Variants in NEGR1 observed in about 807,000 individuals in gnomAD.
The protein encoded by NEGR1 is neuronal growth regulator 1.
NEGR1 carries 10 observed loss-of-function variants against 40.9 expected under a neutral mutation model. The ratio of observed to expected loss-of-function variants is 0.24; its 90% CI spans 0.15 to 0.42. NEGR1 has a LOEUF of 0.42. Ranked by LOEUF, NEGR1 falls within the 10% of genes least tolerant of loss-of-function variation. The probability of loss-of-function intolerance (pLI) is 1.00; values close to 1 mark genes in which losing one functional copy is unlikely to be tolerated. For missense variants in NEGR1, 352 were observed against 438.9 expected (o/e 0.80, Z 1.77); for synonymous variants, 185 against 166.8 (o/e 1.11, Z -0.84).
intron 5 of NEGR1, among the ~76,000 whole-genome samples, chr1:71,602,416 T>G (rs2101533425): frequency 7.4e-6 from 1 of 135,256 alleles, no homozygotes; most frequent in South Asian, 2.6e-4. Context: ...TACGCCCGGC[T>G]AATTTTTTGT....
chr1:71,639,522 G>A (rs1031024375), intron 4 of NEGR1, among the ~76,000 whole-genome samples: 3 of 152,054 alleles, frequency 2.0e-5, no homozygotes, highest in Non-Finnish European at 2.9e-5. Context: ...TTGAAGTATA[G>A]TGGAAGAATA....
intron 3 of NEGR1, among the ~76,000 whole-genome samples, chr1:71,699,573 C>A (rs1653611442): frequency 6.6e-6 from 1 of 151,712 alleles, no homozygotes; most frequent in Non-Finnish European, 1.5e-5. Flanking sequence ...AAACACTTCA[C>A]TTCCAAGAAT....
At chr1:71,885,161 A>T (rs189984054) in intron 2 of NEGR1, among the ~76,000 whole-genome samples, 1 of 152,308 alleles carries the variant, frequency 6.6e-6, no homozygotes, top group African/African-American at 2.4e-5. Context: ...TCATCCAACA[A>T]ACAGCCCTCA....
chr1:71,434,372 C>T (rs1646492403), intron 6 of NEGR1, among the ~76,000 whole-genome samples: 1 of 152,176 alleles, frequency 6.6e-6, no homozygotes, highest in Non-Finnish European at 1.5e-5. Flanking sequence ...ATGATAACTA[C>T]ATAAAATTAA....
chr1:71,536,705 G>A (rs1647526096), intron 6 of NEGR1, among the ~76,000 whole-genome samples: 1 of 151,678 alleles, frequency 6.6e-6, no homozygotes, highest in Admixed American at 6.6e-5. Flanking sequence ...AAAGTTTAGA[G>A]TATAAATTTA....
At chr1:72,207,189 T>C (rs1016723658) in intron 1 of NEGR1, among the ~76,000 whole-genome samples, 2 of 151,748 alleles carry the variant, frequency 1.3e-5, no homozygotes, top group Admixed American at 1.3e-4. Flanking sequence ...AATATATATG[T>C]ACCTCAAACA....
chr1:71,723,435 A>C (rs1393966425), intron 3 of NEGR1, among the ~76,000 whole-genome samples: 1 of 152,068 alleles, frequency 6.6e-6, no homozygotes, highest in Non-Finnish European at 1.5e-5. Context: ...CAGTCTTTGG[A>C]AAAGGGCAAG....
chr1:72,057,209 T>C lies in NEGR1; in HGVS notation c.177-121898A>G, dbSNP rs905091641. ...AAAATAATTAATTACACAAATTACT[T>C]ACAACAGTCCAAACTTGAGGAAGGA... On this transcript the variant is annotated intron_variant, in intron 1 of 6. Transcript: ENST00000357731. 2.3e-4 allele frequency among the ~76,000 whole-genome samples: 35 copies of C among 151,760 alleles called. 1 individual carries two copies. The highest frequency in any genetic ancestry group is 3.0e-5 in the Non-Finnish European group (2 of 67,710).
chr1:71,471,254 A>AC (rs1646780283), intron 6 of NEGR1, among the ~76,000 whole-genome samples: 1 of 152,136 alleles, frequency 6.6e-6, no homozygotes, highest in Non-Finnish European at 1.5e-5. Flanking sequence ...ATGTCCTAAG[A>AC]CTTTTTGAAC....
chr1:71,822,825 G>A (rs1658479399), intron 2 of NEGR1, among the ~76,000 whole-genome samples: 4 of 151,978 alleles, frequency 2.6e-5, no homozygotes, highest in Non-Finnish European at 5.9e-5. Context: ...AGCCAAAGAG[G>A]TACATGAATG....
At chr1:71,989,746 T>C (rs1646433470) in intron 1 of NEGR1, among the ~76,000 whole-genome samples, 1 of 152,206 alleles carries the variant, frequency 6.6e-6, no homozygotes, top group Non-Finnish European at 1.5e-5. Context: ...AAAAACTTCT[T>C]TTTTAAATAA....
At chr1:71,634,814 A>G (rs1407361716) in intron 4 of NEGR1, among the ~76,000 whole-genome samples, 1 of 152,128 alleles carries the variant, frequency 6.6e-6, no homozygotes, top group African/African-American at 2.4e-5. Flanking sequence ...GAAGGGTCTT[A>G]GATATTATTA....
chr1:71,994,550 A>AC (rs1429909057), intron 1 of NEGR1, among the ~76,000 whole-genome samples: 134 of 117,952 alleles, frequency 1.1e-3, no homozygotes, highest in African/African-American at 3.4e-3. Flanking sequence ...AAACAAACAA[A>AC]AAAAAAAAAC....
chr1:71,677,016 G>C (rs773235387), intron 4 of NEGR1, among the ~76,000 whole-genome samples: 1 of 152,160 alleles, frequency 6.6e-6, no homozygotes, highest in African/African-American at 2.4e-5. Context: ...GACCAACTAT[G>C]TGTGAGTTAC....
At chr1:71,412,297 T>C (rs1283268375) in intron 6 of NEGR1, among the ~76,000 whole-genome samples, 1 of 152,174 alleles carries the variant, frequency 6.6e-6, no homozygotes, top group Non-Finnish European at 1.5e-5. Flanking sequence ...CTTCTTCCTA[T>C]TCCCCTTTGC....
chr1:72,175,589 T>C (rs1258666373), intron 1 of NEGR1, among the ~76,000 whole-genome samples: 2 of 152,096 alleles, frequency 1.3e-5, no homozygotes, highest in Non-Finnish European at 2.9e-5. Context: ...AGGAAACAGT[T>C]CCATTAGTCA....
intron 2 of NEGR1, among the ~76,000 whole-genome samples, chr1:71,929,017 T>A (rs1557439903): frequency 1.3e-5 from 2 of 152,096 alleles, no homozygotes; most frequent in Admixed American, 6.6e-5. Flanking sequence ...CCATGTAACA[T>A]TTATCTTAAA....
In NEGR1 at chr1:72,087,772, T is replaced by C. The variant is rs865867724; in HGVS notation, c.177-152461A>G. Among the ~76,000 whole-genome samples, 73 of 148,242 alleles carry C rather than the reference T, an allele frequency of 4.9e-4. No individual in the cohort carries two copies. In the East Asian group the frequency reaches 0.011, roughly 22 times the overall value. On this transcript the variant is annotated intron_variant, in intron 1 of 6. Coordinates refer to ENST00000357731, the MANE Select transcript of NEGR1 (RefSeq NM_173808.3). ...TGTGCTTTTTTTTTTTTTTTTTTTTTTAATGTAGAGACAGGCTCTCACTAT... is the reference window on the plus strand; with the variant it reads ...TGTGCTTTTTTTTTTTTTTTTTTTTCTAATGTAGAGACAGGCTCTCACTAT...
At chr1:71,985,312 C>T (rs914227453) in intron 1 of NEGR1, among the ~76,000 whole-genome samples, 7 of 152,058 alleles carry the variant, frequency 4.6e-5, no homozygotes, top group African/African-American at 1.2e-4. Flanking sequence ...TTCTTGAATT[C>T]GCTCCCTTCT....
Sources: allele counts gnomAD v4.1 joint callset (sites outside exome capture counted in the v4.1 genomes callset), GRCh38; gene constraint gnomAD v4.1.1; transcripts MANE v1.5; gene names NCBI Gene and HGNC (gene_info 2026-07-23, HGNC 2026-07-21).